Variants in KIF16B observed in about 807,000 individuals in gnomAD.
The protein encoded by KIF16B is kinesin-like protein KIF16B.
KIF16B carries 98 observed loss-of-function variants against 156.3 expected under a neutral mutation model. That is an observed-to-expected ratio of 0.63 (90% confidence interval 0.53 to 0.74). The LOEUF is 0.74. Among genes scored for constraint, KIF16B ranks in the 30% least tolerant of loss-of-function variants. The pLI is 0.00. For missense variants in KIF16B, 1,421 were observed against 1,606.5 expected, an observed-to-expected ratio of 0.88 and a Z score of 1.97; for synonymous variants, 564 against 583.7, an observed-to-expected ratio of 0.97 and a Z score of 0.49.
intron 12 of KIF16B, among the ~76,000 whole-genome samples, chr20:16,491,920 C>T (rs2068305624): frequency 1.3e-5 from 2 of 152,182 alleles, no homozygotes; most frequent in Admixed American, 1.3e-4. Context: ...TATCCAAGAG[C>T]TTAGGATCTG....
chr20:16,272,779 T>A lies in KIF16B; in HGVS notation c.*474A>T, dbSNP rs2063001589. On this transcript the variant is annotated 3_prime_UTR_variant, in exon 26 of 26. Transcript: ENST00000354981. ...AAAAATACAATGAAATAATTTAAAA[T>A]GCTTTTCTTGGAATATAGCCAGCCA... 6.5e-6 allele frequency: 1 copy of A among 152,832 alleles called. No homozygotes were observed. Among genetic ancestry groups the A allele is most frequent in the African/African-American group, 2.4e-5 (1 of 41,458 alleles). 9.5% of individuals were successfully genotyped at this position (152,832 alleles called of 1,614,324 possible). A position where few individuals can be genotyped will look rare whatever the true frequency, so the allele number is the denominator to read the frequency against.
At chr20:16,355,079 A>G (rs1337129802) in intron 23 of KIF16B, among the ~76,000 whole-genome samples, 1 of 152,068 alleles carries the variant, frequency 6.6e-6, no homozygotes, top group African/African-American at 2.4e-5. Context: ...TAAAATCCTA[A>G]AAGTCTGGTT....
intron 23 of KIF16B, among the ~76,000 whole-genome samples, 183 bp from the exon 24 acceptor site, chr20:16,336,198 A>G (rs1293349049): frequency 6.6e-6 from 1 of 152,190 alleles, no homozygotes; most frequent in African/African-American, 2.4e-5. Flanking sequence ...TTACTTAAAC[A>G]TGCAGCTTTG....
intron 10 of KIF16B, among the ~76,000 whole-genome samples, chr20:16,500,364 C>A (rs1311324111): frequency 6.6e-6 from 1 of 152,124 alleles, no homozygotes; most frequent in Non-Finnish European, 1.5e-5. Context: ...TTTCAATGAA[C>A]CTCCTTTCCT....
At position 16,297,094 on chromosome 20, in the gene KIF16B, C is replaced by G. The variant is rs12480860; in HGVS notation, c.3795+15241G>C. On this transcript the variant is annotated intron_variant, in intron 25 of 25. Transcript: ENST00000354981. ...TTCAGCCTGGAACTTACACGGTCAT[C>G]TCTCCTGGTTCTGGGGCCTTCCCAC... is the stretch of plus-strand genomic sequence containing the variant. 5.8e-3 allele frequency among the ~76,000 whole-genome samples: 878 copies of G among 152,358 alleles called. 31 individuals are homozygous for G. Among genetic ancestry groups the G allele is most frequent in the Admixed American group, 0.052 (791 of 15,306 alleles).
intron 17 of KIF16B, among the ~76,000 whole-genome samples, chr20:16,382,994 G>C (rs539805505): frequency 4.9e-4 from 74 of 152,232 alleles, no homozygotes; most frequent in Non-Finnish European, 9.0e-4. Flanking sequence ...GGTGGATTTC[G>C]TTTTGGTATT....
intron 25 of KIF16B, among the ~76,000 whole-genome samples, chr20:16,295,240 G>A (rs1461934647): frequency 6.6e-6 from 1 of 152,158 alleles, no homozygotes. Context: ...GTGTCTCCAT[G>A]GGGAGCAGGC....
chr20:16,358,545 G>A (rs902938426), intron 22 of KIF16B, among the ~76,000 whole-genome samples: 2 of 152,100 alleles, frequency 1.3e-5, no homozygotes, highest in African/African-American at 2.4e-5. Flanking sequence ...TCTCTTGCCC[G>A]CTCTTCACCT....
intron 17 of KIF16B, among the ~76,000 whole-genome samples, chr20:16,386,792 A>G (rs754379577): frequency 2.6e-5 from 4 of 152,060 alleles, no homozygotes; most frequent in Non-Finnish European, 5.9e-5. Context: ...CTCCTATATG[A>G]CCAAGGGACA....
rs528582596 is a variant in KIF16B, at chr20:16,444,641, A to T, written c.1303-14659T>A. 5.3e-5 allele frequency among the ~76,000 whole-genome samples: 8 copies of T among 152,336 alleles called. No individual in the cohort carries two copies. In the South Asian group the frequency reaches 1.4e-3, roughly 28 times the overall value. ...ATTATGCATACATGTTCACTGAAAG[A>T]CATGCTAAAAAATGTTCATAGTTTT... is the stretch of plus-strand genomic sequence containing the variant. On this transcript the variant is annotated intron_variant, in intron 12 of 25. Coordinates refer to ENST00000354981, the MANE Select transcript of KIF16B (RefSeq NM_024704.5).
intron 6 of KIF16B, among the ~76,000 whole-genome samples, chr20:16,508,375 T>C (rs979522297): frequency 8.5e-5 from 13 of 152,142 alleles, no homozygotes; most frequent in African/African-American, 3.1e-4. Context: ...TGATCATGTG[T>C]ACCTACCACA....
intron 18 of KIF16B, 32 bp downstream of exon 18, chr20:16,381,662 G>C (rs1208768721): frequency 1.3e-6 from 2 of 1,556,656 alleles, no homozygotes; most frequent in African/African-American, 2.7e-5. Flanking sequence ...CAGACTACAG[G>C]AGTGTTGAAA....
chr20:16,447,639 C>T (rs1017931056), intron 12 of KIF16B, among the ~76,000 whole-genome samples: 1 of 152,072 alleles, frequency 6.6e-6, no homozygotes, highest in Non-Finnish European at 1.5e-5. Context: ...AAAAAAATGT[C>T]TACCCCAAGC....
At chr20:16,567,020 A>T (rs1452726232) in intron 1 of KIF16B, among the ~76,000 whole-genome samples, 2 of 152,220 alleles carry the variant, frequency 1.3e-5, no homozygotes, top group African/African-American at 4.8e-5. Context: ...TAAAATCATT[A>T]GTGAAATAAA....
chr20:16,398,781 G>A (rs1247756502), intron 17 of KIF16B, among the ~76,000 whole-genome samples: 1 of 152,094 alleles, frequency 6.6e-6, no homozygotes. Flanking sequence ...GGATAGAGTG[G>A]GTGATGACTG....
intron 23 of KIF16B, among the ~76,000 whole-genome samples, chr20:16,339,387 CT>C (rs1414164529): frequency 6.6e-6 from 1 of 152,168 alleles, no homozygotes; most frequent in Non-Finnish European, 1.5e-5. Context: ...ATCTCCCTGA[CT>C]TCTAAACATC....
At chr20:16,512,231 C>A (rs915162178) in intron 5 of KIF16B, among the ~76,000 whole-genome samples, 3 of 152,070 alleles carry the variant, frequency 2.0e-5, no homozygotes, top group African/African-American at 7.2e-5. Context: ...TGAATCTCCA[C>A]AATACCCAGA....
chr20:16,450,438 C>T (rs2067049036), intron 12 of KIF16B, among the ~76,000 whole-genome samples: 1 of 152,132 alleles, frequency 6.6e-6, no homozygotes, highest in South Asian at 2.1e-4. Context: ...AGTTCTACCG[C>T]AAAAGCTTTC....
Position 16,546,316 on chromosome 20 carries a change from T to C in KIF16B, c.48-17876A>G, listed in dbSNP as rs200052523. ...TACAATTTTTTGCTGAAAGATGTGATAGAAGAAAACAGACAATATAAGGCC... is the reference window on the plus strand; with the variant it reads ...TACAATTTTTTGCTGAAAGATGTGACAGAAGAAAACAGACAATATAAGGCC... On this transcript the variant is annotated intron_variant, in intron 1 of 25. Coordinates refer to ENST00000354981, the MANE Select transcript of KIF16B (RefSeq NM_024704.5). Among the ~76,000 whole-genome samples, 3 of 152,332 alleles carry C rather than the reference T, an allele frequency of 2.0e-5. No homozygotes were observed. In the East Asian group the frequency reaches 5.8e-4, roughly 29 times the overall value.
Sources: gnomAD v4.1 joint callset for allele counts (sites outside exome capture counted in the v4.1 genomes callset) on GRCh38, gnomAD v4.1.1 for gene constraint, MANE v1.5 for transcripts, NCBI Gene and HGNC (gene_info 2026-07-23, HGNC 2026-07-21) for gene names.